ENKUR: variants seen among roughly 807,000 people sequenced by gnomAD.
ENKUR encodes enkurin, TRPC channel interacting protein.
Under a neutral mutation model 27.6 loss-of-function variants are expected in ENKUR, and 19 were observed. The ratio of observed to expected loss-of-function variants is 0.69; its 90% CI spans 0.48 to 1.01. The LOEUF is 1.01. Among genes scored for constraint, ENKUR ranks in the 50% least tolerant of loss-of-function variants. The pLI, the probability that ENKUR is intolerant of heterozygous loss-of-function variation, is 0.00. For synonymous variants in ENKUR, 117 were observed against 96.9 expected (o/e 1.21, Z -1.22); for missense variants, 312 against 310.5 (o/e 1.00, Z -0.04).
At chr10:25,035,463 G>C (rs1192282905) in intron 2 of ENKUR, among the ~76,000 whole-genome samples, 1 of 152,032 alleles carries the variant, frequency 6.6e-6, no homozygotes, top group Non-Finnish European at 1.5e-5. Context: ...GCTGAGGCAG[G>C]AGAATCGCTT....
intron 1 of ENKUR, chr10:25,061,444 G>A: frequency 3.0e-6 from 1 of 331,890 alleles, no homozygotes; most frequent in Non-Finnish European, 5.5e-6. Flanking sequence ...TCCTCCTTCT[G>A]CTCCTCATTG....
At chr10:25,059,197 A>G (rs905311223) in intron 2 of ENKUR, among the ~76,000 whole-genome samples, 6 of 148,502 alleles carry the variant, frequency 4.0e-5, no homozygotes, top group African/African-American at 1.5e-4. Context: ...CAATGGCGCA[A>G]TCTCTGGTCA....
chr10:24,999,598 C>T (rs1365030966), intron 1 of ENKUR, 52 bp from the exon 2 acceptor site: 1 of 1,421,382 alleles, frequency 7.0e-7, no homozygotes, highest in East Asian at 2.3e-5. Context: ...TAAAAATTAC[C>T]TAAAGTTTAC....
At position 24,997,781 on chromosome 10, in the gene ENKUR, C is replaced by CT. The variant is rs199914115; in HGVS notation, c.223+1619dup. 5.0e-3 allele frequency among the ~76,000 whole-genome samples: 746 copies of CT among 147,830 alleles called. 6 individuals are homozygous for CT. The highest frequency in any genetic ancestry group is 0.018 in the African/African-American group (706 of 38,246). ...TGTTTACAAAATGATAGGCTTCTTC[C>CT]TTTTTTCTTATTTGACACAAAGGAT... On this transcript the variant is annotated intron_variant, in intron 2 of 5. Coordinates refer to ENST00000331161, the MANE Select transcript of ENKUR (RefSeq NM_145010.4).
upstream of ENKUR, among the ~76,000 whole-genome samples, chr10:25,017,402 A>G (rs1054943130): frequency 2.0e-5 from 3 of 152,186 alleles, no homozygotes; most frequent in Non-Finnish European, 4.4e-5. Context: ...CCACCGGTAC[A>G]GAGGCCACTC....
chr10:25,012,661 T>C (rs1459059644), intron 1 of ENKUR, among the ~76,000 whole-genome samples: 1 of 152,224 alleles, frequency 6.6e-6, no homozygotes, highest in Non-Finnish European at 1.5e-5. Context: ...CGAATGGTTA[T>C]ATTTACCCAA....
Position 24,995,721 on chromosome 10 carries a change from A to G in ENKUR, c.372T>C (p.Ile124=), listed in dbSNP as rs144669094. The G allele has an allele frequency of 1.9e-6, 3 of 1,614,032 alleles. No individual in the cohort carries two copies. The highest frequency in any genetic ancestry group is 2.7e-5 in the African/African-American group (2 of 75,040). Reference sequence around the variant, plus strand: ...TGTCTCCAGTTCTTTTATCAACATAAATTGGTTTAGGCTTTTTAGCCACTC... The same window carrying G: ...TGTCTCCAGTTCTTTTATCAACATAGATTGGTTTAGGCTTTTTAGCCACTC... The part of the protein sequence containing the change: ...IMGVAKKPKP[I]YVDKRTGDKH... Residue 124 remains isoleucine (I), a synonymous_variant, in exon 3 of 6, where the codon ATT becomes ATC. Coordinates refer to ENST00000331161, the MANE Select transcript of ENKUR (RefSeq NM_145010.4).
chr10:25,005,367 A>G (rs1850287735), intron 1 of ENKUR, among the ~76,000 whole-genome samples: 1 of 152,240 alleles, frequency 6.6e-6, no homozygotes, highest in Admixed American at 6.5e-5. Flanking sequence ...TCATTAAGAC[A>G]GTAAATTTAC....
intron 3 of ENKUR, among the ~76,000 whole-genome samples, chr10:24,993,008 G>T (rs1036315951): frequency 7.2e-5 from 11 of 152,268 alleles, no homozygotes; most frequent in African/African-American, 2.6e-4. Flanking sequence ...TTAAGAAAGA[G>T]AATGACTGGG....
At chr10:25,027,357 CAAAAAAAAAA>C (rs71399946) in intron 2 of ENKUR, among the ~76,000 whole-genome samples, 5 of 48,470 alleles carry the variant, frequency 1.0e-4, no homozygotes, top group Non-Finnish European at 1.1e-4. Flanking sequence ...ACTCCCGTCT[CAAAAAAAAAA>C]AAAAAAAAAA....
intron 2 of ENKUR, chr10:25,025,545 T>C: frequency 6.3e-6 from 8 of 1,262,158 alleles, no homozygotes; most frequent in Non-Finnish European, 8.8e-6. Flanking sequence ...ATTTTGTCTT[T>C]TATGTAAATA....
At chr10:25,027,056 A>G (rs184592612) in intron 2 of ENKUR, among the ~76,000 whole-genome samples, 153 of 152,200 alleles carry the variant, frequency 1.0e-3, no homozygotes, top group African/African-American at 3.5e-3. Flanking sequence ...TTCACTATAC[A>G]TAAGAATGCA....
chr10:24,989,546 T>C (rs1285303285), intron 4 of ENKUR, among the ~76,000 whole-genome samples: 1 of 152,218 alleles, frequency 6.6e-6, no homozygotes. Flanking sequence ...CATAGATCCA[T>C]AGTACCTCTC....
At chr10:24,998,997 T>TGGTAGTAATG (rs1850127184) in intron 2 of ENKUR, among the ~76,000 whole-genome samples, 1 of 152,206 alleles carries the variant, frequency 6.6e-6, no homozygotes. Context: ...CTTCAACAAC[T>TGGTAGTAATG]GGTAGTAATG....
At chr10:25,025,299 C>G (rs764217133) in intron 2 of ENKUR, 8 of 1,614,180 alleles carry the variant, frequency 5.0e-6, no homozygotes, top group South Asian at 4.4e-5. Flanking sequence ...CAAGTCAGCT[C>G]TATTTGCTGG....
At chr10:25,054,875 C>T (rs2130493040) in intron 2 of ENKUR, among the ~76,000 whole-genome samples, 1 of 152,058 alleles carries the variant, frequency 6.6e-6, no homozygotes, top group African/African-American at 2.4e-5. Context: ...AGGGTCTTGC[C>T]ATATTGCCAA....
At chr10:25,024,322 C>T in intron 2 of ENKUR, 2 of 1,614,124 alleles carry the variant, frequency 1.2e-6, no homozygotes, top group Non-Finnish European at 1.7e-6. Context: ...ACACTGTATC[C>T]CACCAAGTTG....
chr10:25,024,603 A>T (rs769734278), intron 2 of ENKUR: 2 of 1,614,238 alleles, frequency 1.2e-6, no homozygotes, highest in Admixed American at 1.7e-5. Context: ...TTACTGTGGA[A>T]TATGGAACAA....
At chr10:25,009,656 A>T (rs1850394481) in intron 1 of ENKUR, among the ~76,000 whole-genome samples, 2 of 152,098 alleles carry the variant, frequency 1.3e-5, no homozygotes, top group Non-Finnish European at 2.9e-5. Context: ...TCTCATCTTG[A>T]ATTGTAGCTC....
Sources: gnomAD v4.1 joint callset for allele counts (sites outside exome capture counted in the v4.1 genomes callset) on GRCh38, gnomAD v4.1.1 for gene constraint, MANE v1.5 for transcripts, NCBI Gene and HGNC (gene_info 2026-07-23, HGNC 2026-07-21) for gene names.